PCDH9: variants seen among roughly 807,000 people sequenced by gnomAD.
PCDH9 encodes the protein protocadherin 9, also known as protocadherin-9.
PCDH9 carries 24 observed loss-of-function variants against 70.6 expected under a neutral mutation model. The observed-to-expected ratio is 0.34, with a 90% CI of 0.25 to 0.48. PCDH9 has a LOEUF of 0.48. PCDH9 is among the 20% of genes least tolerant of loss of function. PCDH9 has a pLI of 0.99. For missense variants in PCDH9, 1,281 were observed against 1,503.6 expected, an observed-to-expected ratio of 0.85 and a Z score of 2.45; for synonymous variants, 562 against 558.5, an observed-to-expected ratio of 1.01 and a Z score of -0.09.
At chr13:66,532,533 G>A (rs1960513414) in intron 4 of PCDH9, among the ~76,000 whole-genome samples, 1 of 151,996 alleles carries the variant, frequency 6.6e-6, no homozygotes, top group Non-Finnish European at 1.5e-5. Flanking sequence ...ATACATATTT[G>A]ATTAATTTTT....
chr13:66,569,035 T>C (rs532023399), intron 4 of PCDH9, among the ~76,000 whole-genome samples: 85 of 125,658 alleles, frequency 6.8e-4, no homozygotes, highest in Admixed American at 3.1e-3. Flanking sequence ...GGGGTCTCAC[T>C]CTGTCACCCA....
chr13:67,035,516 G>A (rs535133938), intron 2 of PCDH9, among the ~76,000 whole-genome samples: 1 of 150,782 alleles, frequency 6.6e-6, no homozygotes, highest in South Asian at 2.1e-4. Flanking sequence ...TCAGAAATTA[G>A]ACTTCTATGA....
intron 2 of PCDH9, chr13:67,205,241 G>A (rs980276392): frequency 1.3e-5 from 2 of 152,180 alleles, no homozygotes; most frequent in Non-Finnish European, 2.9e-5. Flanking sequence ...ATTAACAGGT[G>A]AATTTAACTT....
At chr13:66,559,590 T>C (rs1393314947) in intron 4 of PCDH9, among the ~76,000 whole-genome samples, 1 of 151,692 alleles carries the variant, frequency 6.6e-6, no homozygotes, top group Non-Finnish European at 1.5e-5. Context: ...CATGAGGTCA[T>C]GAGATCGAGA....
chr13:66,624,935 T>C lies in PCDH9; in HGVS notation c.3340+6275A>G, dbSNP rs191408372. On this transcript the variant is annotated intron_variant, in intron 4 of 4. Transcript: ENST00000377865. ...GCCACTATGTACTTAACCTTTGTAT[T>C]CTGGAAAATTTAAAACACGTAAAAA... Among the ~76,000 whole-genome samples the C allele has an allele frequency of 2.2e-5, 3 of 134,418 alleles. No individual in the cohort carries two copies. In the East Asian group the frequency reaches 6.7e-4, roughly 30 times the overall value. The allele number at this position is 134,418 out of a possible 152,430, so 88.2% of individuals were successfully genotyped here.
intron 2 of PCDH9, among the ~76,000 whole-genome samples, chr13:67,064,520 A>T (rs2085603363): frequency 6.6e-6 from 1 of 152,196 alleles, no homozygotes; most frequent in South Asian, 2.1e-4. Flanking sequence ...AAATGCATTA[A>T]ACTTCTCTGA....
intron 3 of PCDH9, among the ~76,000 whole-genome samples, chr13:66,672,898 G>A (rs1455041956): frequency 1.3e-5 from 2 of 152,138 alleles, no homozygotes; most frequent in African/African-American, 4.8e-5. Flanking sequence ...ATTGTATCTA[G>A]GAAGTATTAC....
At chr13:66,462,851 TATGTAAGAGGAG>T (rs1472982617) in intron 4 of PCDH9, among the ~76,000 whole-genome samples, 1 of 151,760 alleles carries the variant, frequency 6.6e-6, no homozygotes, top group Non-Finnish European at 1.5e-5. Context: ...TATTTTCTAC[TATGTAAGAGGAG>T]TTCAGTTAAA....
rs193265501 is a variant in PCDH9, at chr13:67,061,712, C to T, written c.3037-158107G>A. Among the ~76,000 whole-genome samples the T allele has an allele frequency of 1.2e-3, 184 of 152,046 alleles. 1 individual carries two copies. The highest frequency in any genetic ancestry group is 3.7e-3 in the African/African-American group (154 of 41,478). On this transcript the variant is annotated intron_variant, in intron 2 of 4. Coordinates refer to ENST00000377865, the MANE Select transcript of PCDH9 (RefSeq NM_203487.3). The stretch of plus-strand genomic sequence containing the variant: ...CAACAAACTCTCAAAAAGAAAGGTG[C>T]GTTTTAAAAAATGAATTATACACAT...
chr13:67,159,042 C>A (rs1397437597), intron 2 of PCDH9, among the ~76,000 whole-genome samples: 2 of 152,118 alleles, frequency 1.3e-5, no homozygotes, highest in Non-Finnish European at 2.9e-5. Flanking sequence ...CTTTAATCTT[C>A]AAAAGAACCA....
intron 3 of PCDH9, among the ~76,000 whole-genome samples, chr13:66,888,974 T>C (rs757901869): frequency 6.6e-6 from 1 of 152,208 alleles, no homozygotes; most frequent in African/African-American, 2.4e-5. Context: ...ACAAGCTCAA[T>C]TGTAGAACTT....
At chr13:66,775,868 ACC>A (rs2079883788) in intron 3 of PCDH9, among the ~76,000 whole-genome samples, 1 of 151,648 alleles carries the variant, frequency 6.6e-6, no homozygotes, top group Non-Finnish European at 1.5e-5. Context: ...AACTGTGTTG[ACC>A]CTTTAGATGA....
In PCDH9 at chr13:67,022,349, G is replaced by A. The variant is rs190247007; in HGVS notation, c.3037-118744C>T. ...TTGGTCAGGCTGGTCTCGAACTCCC[G>A]ACCTCAGGTGATCTGCCCACCTTGG... On this transcript the variant is annotated intron_variant, in intron 2 of 4. Coordinates refer to ENST00000377865, the MANE Select transcript of PCDH9 (RefSeq NM_203487.3). Among the ~76,000 whole-genome samples, 3 of 151,884 alleles carry A rather than the reference G, an allele frequency of 2.0e-5. No individual in the cohort carries two copies. The East Asian group carries it at 5.8e-4, about 30-fold the overall frequency.
chr13:66,995,187 T>C, intron 2 of PCDH9, among the ~76,000 whole-genome samples: 1 of 152,194 alleles, frequency 6.6e-6, no homozygotes, highest in East Asian at 1.9e-4. Context: ...AATTCATCCA[T>C]GCCTCTCAAA....
chr13:67,026,602 T>C (rs965788952), intron 2 of PCDH9, among the ~76,000 whole-genome samples: 7 of 151,284 alleles, frequency 4.6e-5, no homozygotes, highest in East Asian at 1.9e-4. Context: ...GGTATTCAAT[T>C]AGGAAAAGAG....
At chr13:66,595,595 G>A (rs1465600274) in intron 4 of PCDH9, among the ~76,000 whole-genome samples, 1 of 151,622 alleles carries the variant, frequency 6.6e-6, no homozygotes, top group Non-Finnish European at 1.5e-5. Flanking sequence ...CCTTTATGAA[G>A]AGGATTTCTG....
chr13:66,832,116 A>G (rs1435807732), intron 3 of PCDH9, among the ~76,000 whole-genome samples: 1 of 152,148 alleles, frequency 6.6e-6, no homozygotes, highest in Non-Finnish European at 1.5e-5. Flanking sequence ...CTTTGACATA[A>G]TAACAGCACA....
chr13:66,768,358 C>T (rs1448766556), intron 3 of PCDH9, among the ~76,000 whole-genome samples: 1 of 151,948 alleles, frequency 6.6e-6, no homozygotes, highest in Non-Finnish European at 1.5e-5. Flanking sequence ...TATAACAAAG[C>T]TTTTGAGGTA....
intron 2 of PCDH9, chr13:67,224,328 A>G (rs566616165): frequency 6.6e-6 from 1 of 152,304 alleles, no homozygotes; most frequent in Admixed American, 6.5e-5. Context: ...TCATTAAATA[A>G]AAGGTATCTT....
Sources: gnomAD v4.1 joint callset for allele counts (sites outside exome capture counted in the v4.1 genomes callset) on GRCh38, gnomAD v4.1.1 for gene constraint, MANE v1.5 for transcripts, NCBI Gene and HGNC (gene_info 2026-07-23, HGNC 2026-07-21) for gene names.